Variants in UBE2E2 observed in about 807,000 individuals in gnomAD.
The protein encoded by UBE2E2 is ubiquitin-conjugating enzyme E2 E2.
UBE2E2 carries 6 observed loss-of-function variants against 24.7 expected under a neutral mutation model. That is an observed-to-expected ratio of 0.24 (90% CI 0.13 to 0.48). The LOEUF (loss-of-function observed/expected upper bound fraction) is 0.48, where lower values mean the gene tolerates loss of function less well. Ranked by LOEUF, UBE2E2 falls within the 20% of genes least tolerant of loss-of-function variation. UBE2E2 has a pLI of 0.99. For synonymous variants in UBE2E2, 104 were observed against 83.6 expected (o/e 1.24, Z -1.33); for missense variants, 169 against 245.0 (o/e 0.69, Z 2.07).
intron 4 of UBE2E2, among the ~76,000 whole-genome samples, chr3:23,528,837 C>T (rs759418762): frequency 7.9e-5 from 12 of 152,128 alleles, no homozygotes; most frequent in Non-Finnish European, 1.5e-4. Context: ...ATCTAGCACG[C>T]CTGTTTGGGG....
intron 3 of UBE2E2, among the ~76,000 whole-genome samples, chr3:23,266,582 C>T (rs1033296515): frequency 1.3e-5 from 2 of 151,606 alleles, no homozygotes; most frequent in Non-Finnish European, 2.9e-5. Flanking sequence ...ACATTTTTTC[C>T]TTCATTTCAA....
rs992979259 is a variant in UBE2E2, at chr3:23,440,360, G to A, written c.228-59248G>A. Among the ~76,000 whole-genome samples the A allele has an allele frequency of 7.9e-5, 12 of 152,122 alleles. 1 individual carries two copies. The highest frequency in any genetic ancestry group is 3.9e-4 in the Admixed American group (6 of 15,280). On this transcript the variant is annotated intron_variant, in intron 3 of 5. Coordinates refer to ENST00000396703, the MANE Select transcript of UBE2E2 (RefSeq NM_152653.4). ...TGGACTCAAGCAATCCTTGCATCTC[G>A]TCCTCCCAAAGTGCTGAGATTACAG...
intron 3 of UBE2E2, among the ~76,000 whole-genome samples, chr3:23,431,834 G>A (rs924184197): frequency 2.6e-5 from 4 of 152,126 alleles, no homozygotes; most frequent in Middle Eastern, 3.2e-3. Context: ...TTAATATTTA[G>A]GGGTTAAAAT....
At chr3:23,441,538 C>CAAAAA (rs147766521) in intron 3 of UBE2E2, among the ~76,000 whole-genome samples, 5 of 95,786 alleles carry the variant, frequency 5.2e-5, no homozygotes, top group East Asian at 3.3e-4. Flanking sequence ...GACTCCGTCT[C>CAAAAA]AAAAAAAAAA....
At chr3:23,554,565 A>G (rs1575703460) in intron 5 of UBE2E2, among the ~76,000 whole-genome samples, 1 of 152,302 alleles carries the variant, frequency 6.6e-6, no homozygotes, top group East Asian at 1.9e-4. Flanking sequence ...ACTATACACG[A>G]AAATCAACTC....
intron 5 of UBE2E2, among the ~76,000 whole-genome samples, chr3:23,551,510 A>G (rs1695643292): frequency 6.6e-6 from 1 of 152,224 alleles, no homozygotes; most frequent in Non-Finnish European, 1.5e-5. Flanking sequence ...GGCTACTATC[A>G]TTACTGTTAC....
At chr3:23,529,069 C>A (rs920224856) in intron 4 of UBE2E2, among the ~76,000 whole-genome samples, 1 of 152,118 alleles carries the variant, frequency 6.6e-6, no homozygotes, top group African/African-American at 2.4e-5. Context: ...CTATACGATT[C>A]CATTTATATA....
intron 5 of UBE2E2, among the ~76,000 whole-genome samples, chr3:23,578,792 G>GA (rs1255608243): frequency 6.6e-5 from 10 of 152,152 alleles, no homozygotes; most frequent in African/African-American, 2.4e-4. Flanking sequence ...CAGGGAAGGG[G>GA]AGCATCAGGA....
intron 4 of UBE2E2, among the ~76,000 whole-genome samples, chr3:23,502,709 A>G (rs192226862): frequency 1.1e-4 from 16 of 152,354 alleles, no homozygotes; most frequent in African/African-American, 3.8e-4. Context: ...ACCTGAGTAC[A>G]TAATGTTAAT....
chr3:23,302,671 T>C (rs1699130900), intron 3 of UBE2E2, among the ~76,000 whole-genome samples: 1 of 152,244 alleles, frequency 6.6e-6, no homozygotes, highest in South Asian at 2.1e-4. Flanking sequence ...TTGCCCTTGA[T>C]CATATTATTT....
rs192841296 is a variant in UBE2E2 at position 23,349,711 on chromosome 3, A to C, written c.227+132399A>C. ...CGCCCGCCATTGCCCAGGCTTGCTT[A>C]GGTAAACAAAGCAGCCAGGAAGCTC... On this transcript the variant is annotated intron_variant, in intron 3 of 5. Transcript: ENST00000396703. 7.2e-3 allele frequency among the ~76,000 whole-genome samples: 1,097 copies of C among 152,362 alleles called. 13 individuals are homozygous for C. The highest frequency in any genetic ancestry group is 0.025 in the African/African-American group (1,035 of 41,594).
At chr3:23,242,270 A>C (rs1178864653) in intron 3 of UBE2E2, among the ~76,000 whole-genome samples, 1 of 151,930 alleles carries the variant, frequency 6.6e-6, no homozygotes, top group Non-Finnish European at 1.5e-5. Context: ...AGTATGATTG[A>C]ATATGATTCT....
rs563435191 is a variant in UBE2E2 at position 23,226,537 on chromosome 3, G to A, written c.227+9225G>A. 2.0e-4 allele frequency among the ~76,000 whole-genome samples: 30 copies of A among 152,294 alleles called. 2 individuals carry two copies. In the South Asian group the frequency reaches 6.2e-3, roughly 32 times the overall value. On this transcript the variant is annotated intron_variant, in intron 3 of 5. Coordinates refer to ENST00000396703, the MANE Select transcript of UBE2E2 (RefSeq NM_152653.4). ...TTACAGGTGTGAGCCACTGCGCCCG[G>A]CCAGGAAAACATCTTTAAGGAGGGA...
intron 3 of UBE2E2, among the ~76,000 whole-genome samples, chr3:23,264,051 AT>A (rs1311480574): frequency 6.6e-6 from 1 of 152,158 alleles, no homozygotes; most frequent in Non-Finnish European, 1.5e-5. Context: ...ATCTTACATA[AT>A]TCTTACATTA....
intron 3 of UBE2E2, among the ~76,000 whole-genome samples, chr3:23,273,413 C>G (rs1698300886): frequency 6.6e-6 from 1 of 152,012 alleles, no homozygotes. Flanking sequence ...CGCCTGTAGT[C>G]CCAGCTACTT....
intron 3 of UBE2E2, among the ~76,000 whole-genome samples, chr3:23,324,462 G>A (rs565702730): frequency 3.7e-4 from 56 of 152,230 alleles, no homozygotes; most frequent in African/African-American, 1.3e-3. Flanking sequence ...ACTGGCTCTT[G>A]TGTTTTCTCT....
At chr3:23,236,374 A>G (rs1232212521) in intron 3 of UBE2E2, among the ~76,000 whole-genome samples, 1 of 152,044 alleles carries the variant, frequency 6.6e-6, no homozygotes, top group Non-Finnish European at 1.5e-5. Flanking sequence ...AGACTCCATA[A>G]TTGGGCTCAG....
At chr3:23,435,161 T>G (rs1047513630) in intron 3 of UBE2E2, among the ~76,000 whole-genome samples, 7 of 152,222 alleles carry the variant, frequency 4.6e-5, no homozygotes, top group Admixed American at 3.3e-4. Flanking sequence ...ACTCTATAAT[T>G]TGAACTTACA....
intron 3 of UBE2E2, among the ~76,000 whole-genome samples, chr3:23,413,058 AG>A (rs1697531689): frequency 2.2e-5 from 2 of 92,030 alleles, no homozygotes; most frequent in South Asian, 8.1e-4. Flanking sequence ...GGGTGGGGGG[AG>A]GGGGGAGGAA....
Sources: allele counts gnomAD v4.1 joint callset (sites outside exome capture counted in the v4.1 genomes callset), GRCh38; gene constraint gnomAD v4.1.1; transcripts MANE v1.5; gene names NCBI Gene and HGNC (gene_info 2026-07-23, HGNC 2026-07-21).